TMEM232: variants seen among roughly 807,000 people sequenced by gnomAD.
TMEM232 encodes the protein transmembrane protein 232.
In TMEM232, 80 loss-of-function variants were observed where a neutral mutation model predicts 78.8. The observed-to-expected ratio is 1.01, with a 90% confidence interval of 0.85 to 1.22. The LOEUF (loss-of-function observed/expected upper bound fraction) is 1.22, where lower values mean the gene tolerates loss of function less well. Among genes scored for constraint, TMEM232 ranks in the 50% most tolerant of loss-of-function variants. The pLI, the probability that TMEM232 is intolerant of heterozygous loss-of-function variation, is 0.00. For missense variants in TMEM232, 881 were observed against 742.2 expected, an observed-to-expected ratio of 1.19 and a Z score of -2.17; for synonymous variants, 297 against 254.3, an observed-to-expected ratio of 1.17 and a Z score of -1.60.
chr5:110,572,865 G>T (rs543062228), intron 10 of TMEM232, among the ~76,000 whole-genome samples: 20 of 152,150 alleles, frequency 1.3e-4, no homozygotes, highest in Admixed American at 1.3e-3. Flanking sequence ...ATAAAAAGTA[G>T]ACCACATTCT....
chr5:110,490,850 AAACTAAAACTAT>A (rs1765008871), intron 12 of TMEM232, among the ~76,000 whole-genome samples: 4 of 152,138 alleles, frequency 2.6e-5, no homozygotes, highest in Non-Finnish European at 5.9e-5. Context: ...CCTCACTGTA[AAACTAAAACTAT>A]AGCTAAAACT....
intron 2 of TMEM232, among the ~76,000 whole-genome samples, chr5:110,665,891 C>CAAAAA (rs775392111): frequency 6.3e-5 from 4 of 63,800 alleles, no homozygotes; most frequent in Non-Finnish European, 7.2e-5. Context: ...CCCATCTCCA[C>CAAAAA]AAAAAAAAAA....
At chr5:110,576,548 A>G (rs1777590959) in intron 10 of TMEM232, among the ~76,000 whole-genome samples, 1 of 152,088 alleles carries the variant, frequency 6.6e-6, no homozygotes, top group Admixed American at 6.6e-5. Flanking sequence ...TCTATATGGA[A>G]TAACAACAAA....
At chr5:110,625,832 T>C (rs549351704) in intron 6 of TMEM232, among the ~76,000 whole-genome samples, 17 of 145,236 alleles carry the variant, frequency 1.2e-4, no homozygotes, top group African/African-American at 3.8e-4. Context: ...TCTCCAGTTT[T>C]ATTCCTTCTC....
intron 10 of TMEM232, among the ~76,000 whole-genome samples, chr5:110,590,783 G>C (rs1779416538): frequency 6.6e-6 from 1 of 152,158 alleles, no homozygotes; most frequent in African/African-American, 2.4e-5. Flanking sequence ...CACATGGCTA[G>C]GGAAGCCTCA....
At chr5:110,595,481 C>A (rs1034412747) in intron 10 of TMEM232, among the ~76,000 whole-genome samples, 8 of 152,090 alleles carry the variant, frequency 5.3e-5, no homozygotes, top group Non-Finnish European at 7.4e-5. Flanking sequence ...CTCCTCTGAG[C>A]TAAAGGAGCA....
intron 1 of TMEM232, among the ~76,000 whole-genome samples, chr5:110,687,930 C>T (rs562077425): frequency 1.7e-4 from 26 of 152,042 alleles, no homozygotes; most frequent in Admixed American, 5.2e-4. Context: ...CACAATGTCC[C>T]TTTTGGAAAT....
At chr5:110,600,135 C>T (rs1780704924) in intron 10 of TMEM232, among the ~76,000 whole-genome samples, 1 of 152,046 alleles carries the variant, frequency 6.6e-6, no homozygotes, top group South Asian at 2.1e-4. Flanking sequence ...GAACAATGTA[C>T]CAGAATCTCT....
chr5:110,678,819 G>T (rs1054695850), intron 1 of TMEM232, among the ~76,000 whole-genome samples: 2 of 151,916 alleles, frequency 1.3e-5, no homozygotes, highest in African/African-American at 4.8e-5. Flanking sequence ...TTAGTGATAT[G>T]CATTTAAGGT....
intron 12 of TMEM232, among the ~76,000 whole-genome samples, chr5:110,464,370 C>T (rs991450717): frequency 1.3e-5 from 2 of 152,118 alleles, no homozygotes; most frequent in African/African-American, 2.4e-5. Context: ...AATGAAGACA[C>T]TGGGGAAGGC....
intron 2 of TMEM232, among the ~76,000 whole-genome samples, chr5:110,404,832 G>A (rs1007838943): frequency 6.6e-6 from 1 of 152,014 alleles, no homozygotes; most frequent in Admixed American, 6.6e-5. Flanking sequence ...GTCTGGATAC[G>A]AGTGGGTGGA....
chr5:110,579,293 A>G lies in TMEM232; in HGVS notation c.1277-10668T>C, dbSNP rs1323865119. ...AAAAACCGAAATACTTTCTCAGACA[A>G]ACAAAAGTTGAGGGAACACATTATA... On this transcript the variant is annotated intron_variant, in intron 10 of 13. Transcript: ENST00000455884. Among the ~76,000 whole-genome samples, 4 of 151,690 alleles carry G rather than the reference A, an allele frequency of 2.6e-5. No homozygotes were observed. The East Asian group carries it at 7.7e-4, about 29-fold the overall frequency.
At chr5:110,440,058 A>C (rs1410567538) in intron 12 of TMEM232, among the ~76,000 whole-genome samples, 1 of 152,156 alleles carries the variant, frequency 6.6e-6, no homozygotes, top group Non-Finnish European at 1.5e-5. Context: ...AAAGTAGGAG[A>C]AAACATAATG....
At chr5:110,487,542 G>T (rs1156435735) in intron 12 of TMEM232, among the ~76,000 whole-genome samples, 5 of 152,000 alleles carry the variant, frequency 3.3e-5, no homozygotes, top group Non-Finnish European at 7.4e-5. Flanking sequence ...TTTGTCGAAT[G>T]CTTTTTCTGC....
At chr5:110,418,284 G>C (rs996351533), downstream of TMEM232, 1 of 151,962 alleles carries the variant, frequency 6.6e-6, no homozygotes, top group Middle Eastern at 3.4e-3. Flanking sequence ...TACATAAATT[G>C]TGTCAATTTT....
chr5:110,492,630 C>T (rs1561564876), intron 12 of TMEM232, among the ~76,000 whole-genome samples: 1 of 151,826 alleles, frequency 6.6e-6, no homozygotes, highest in Non-Finnish European at 1.5e-5. Flanking sequence ...TTATTGCTTC[C>T]ATTCAAAATT....
chr5:110,718,150 T>C (rs774680342), intron 1 of TMEM232, among the ~76,000 whole-genome samples: 1 of 152,132 alleles, frequency 6.6e-6, no homozygotes, highest in African/African-American at 2.4e-5. Flanking sequence ...TCTACATATA[T>C]TTGTTTGCAA....
chr5:110,584,663 G>T (rs78816544), intron 10 of TMEM232, among the ~76,000 whole-genome samples: 4,424 of 152,142 alleles, frequency 0.029, 221 homozygotes, highest in African/African-American at 0.1. Flanking sequence ...ACTCTTGATG[G>T]ATGGGAGGAG....
At chr5:110,590,102 A>G (rs1467643145) in intron 10 of TMEM232, among the ~76,000 whole-genome samples, 2 of 152,166 alleles carry the variant, frequency 1.3e-5, no homozygotes, top group African/African-American at 4.8e-5. Context: ...ATGCATAAGA[A>G]ATATTTGTAA....
Sources: allele counts gnomAD v4.1 joint callset (sites outside exome capture counted in the v4.1 genomes callset), GRCh38; gene constraint gnomAD v4.1.1; transcripts MANE v1.5; gene names NCBI Gene and HGNC (gene_info 2026-07-23, HGNC 2026-07-21).